The following SOX6 variants were observed in gnomAD, a reference collection of about 807,000 sequenced individuals.
The protein encoded by SOX6 is SRY-box transcription factor 6, also known as transcription factor SOX-6.
Under a neutral mutation model 97.8 loss-of-function variants are expected in SOX6, and 11 were observed. That is an observed-to-expected ratio of 0.11 (90% CI 0.07 to 0.19). The LOEUF is 0.19. Ranked by LOEUF, SOX6 falls within the 10% of genes least tolerant of loss-of-function variation. SOX6 has a pLI of 1.00. For synonymous variants in SOX6, 360 were observed against 371.4 expected, an observed-to-expected ratio of 0.97 and a Z score of 0.35; for missense variants, 810 against 1,039.5, an observed-to-expected ratio of 0.78 and a Z score of 3.04.
chr11:16,232,487 C>T lies in SOX6; in HGVS notation c.535+2095G>A, dbSNP rs1306348582. On this transcript the variant is annotated intron_variant, in intron 4 of 15. Coordinates refer to ENST00000683767, the MANE Select transcript of SOX6 (RefSeq NM_001367873.1). ...AAAAAGGTTAAAGAATTTGAAAAGGCTAATTTTTCATGTGATTCACTTTTG... is the reference window on the plus strand; with the variant it reads ...AAAAAGGTTAAAGAATTTGAAAAGGTTAATTTTTCATGTGATTCACTTTTG... Among the ~76,000 whole-genome samples, 9 of 151,842 alleles carry T rather than the reference C, an allele frequency of 5.9e-5. No individual in the cohort carries two copies. In the South Asian group the frequency reaches 1.9e-3, roughly 32 times the overall value.
intron 15 of SOX6, among the ~76,000 whole-genome samples, chr11:15,979,858 C>T (rs1853609189): frequency 6.6e-6 from 1 of 152,008 alleles, no homozygotes; most frequent in African/African-American, 2.4e-5. Context: ...ATCCCTTTCC[C>T]TACTTTACTT....
chr11:16,421,278 G>C (rs927315888), intron 1 of SOX6, among the ~76,000 whole-genome samples: 5 of 151,862 alleles, frequency 3.3e-5, no homozygotes, highest in Admixed American at 3.3e-4. Flanking sequence ...CAAACACAAT[G>C]ACTATATATT....
intron 3 of SOX6, chr11:16,646,050 C>T (rs1329477650): frequency 6.6e-6 from 1 of 152,234 alleles, no homozygotes; most frequent in Non-Finnish European, 1.5e-5. Context: ...CAGCTTCAGA[C>T]TTGAGGTCAT....
intron 3 of SOX6, among the ~76,000 whole-genome samples, chr11:16,616,391 A>T (rs1046686433): frequency 2.0e-5 from 3 of 152,102 alleles, no homozygotes; most frequent in African/African-American, 7.2e-5. Flanking sequence ...AAATTTGACT[A>T]AATTCTCTAA....
chr11:16,112,423 T>C lies in SOX6; in HGVS notation c.778-500A>G, dbSNP rs531217026. Among the ~76,000 whole-genome samples, 5 of 152,330 alleles carry C rather than the reference T, an allele frequency of 3.3e-5. No homozygotes were observed. The East Asian group carries it at 9.6e-4, about 29-fold the overall frequency. On this transcript the variant is annotated intron_variant, in intron 6 of 15. Transcript: ENST00000683767. ...TCTTATTTCAAAGCCTCATGCATTATGTTAAACATATAGCTCTTCAGATTT... is the reference window on the plus strand; with the variant it reads ...TCTTATTTCAAAGCCTCATGCATTACGTTAAACATATAGCTCTTCAGATTT...
chr11:16,012,571 G>A (rs1294571267), intron 13 of SOX6, among the ~76,000 whole-genome samples: 1 of 152,004 alleles, frequency 6.6e-6, no homozygotes, highest in Non-Finnish European at 1.5e-5. Context: ...ATGAGAGCTG[G>A]TGTATGGCAT....
intron 4 of SOX6, among the ~76,000 whole-genome samples, chr11:16,521,805 C>T (rs1403582290): frequency 1.3e-5 from 2 of 152,072 alleles, no homozygotes; most frequent in Non-Finnish European, 2.9e-5. Flanking sequence ...GAGCTGAAAG[C>T]CAAGGCTCGA....
At chr11:16,120,936 G>T (rs947181000) in intron 6 of SOX6, among the ~76,000 whole-genome samples, 1 of 151,938 alleles carries the variant, frequency 6.6e-6, no homozygotes, top group Non-Finnish European at 1.5e-5. Flanking sequence ...ACTCTATCAG[G>T]TCAACGGTAC....
At chr11:16,734,281 A>G (rs1848374417) in intron 2 of SOX6, among the ~76,000 whole-genome samples, 1 of 152,208 alleles carries the variant, frequency 6.6e-6, no homozygotes, top group Non-Finnish European at 1.5e-5. Flanking sequence ...ATTTATTTAT[A>G]CCTTGTTTTC....
At chr11:16,295,803 T>G (rs1265825569) in intron 3 of SOX6, among the ~76,000 whole-genome samples, 1 of 152,126 alleles carries the variant, frequency 6.6e-6, no homozygotes, top group Non-Finnish European at 1.5e-5. Flanking sequence ...GGGGTTGCAT[T>G]TCTAGTGTGT....
chr11:16,717,953 C>CTT (rs36059733), intron 2 of SOX6, among the ~76,000 whole-genome samples: 30 of 134,756 alleles, frequency 2.2e-4, no homozygotes, highest in South Asian at 2.1e-3. Context: ...TCCTGTTTTT[C>CTT]TTTTTTTTTT....
At chr11:16,014,406 G>C (rs543564826) in intron 13 of SOX6, among the ~76,000 whole-genome samples, 1 of 152,150 alleles carries the variant, frequency 6.6e-6, no homozygotes, top group East Asian at 1.9e-4. Flanking sequence ...TAAAACTGCT[G>C]CAAACTATCA....
At chr11:16,303,593 T>C (rs1855331759) in intron 3 of SOX6, among the ~76,000 whole-genome samples, 1 of 152,194 alleles carries the variant, frequency 6.6e-6, no homozygotes, top group Non-Finnish European at 1.5e-5. Flanking sequence ...AAGATTTTCT[T>C]AGCTATTCTA....
At chr11:16,162,332 A>G (rs555033418) in intron 6 of SOX6, among the ~76,000 whole-genome samples, 3 of 152,332 alleles carry the variant, frequency 2.0e-5, no homozygotes, top group East Asian at 3.9e-4. Context: ...TCAGGACATA[A>G]CATGTGATCT....
intron 9 of SOX6, among the ~76,000 whole-genome samples, chr11:16,092,278 A>C (rs543960389): frequency 2.0e-5 from 3 of 152,122 alleles, no homozygotes; most frequent in African/African-American, 7.2e-5. Context: ...TGAATTAATA[A>C]GTAATAAAAA....
chr11:16,268,106 GT>G (rs757945593), intron 3 of SOX6, among the ~76,000 whole-genome samples: 12 of 150,984 alleles, frequency 7.9e-5, no homozygotes, highest in African/African-American at 1.5e-4. Context: ...AAAAATAAGT[GT>G]TTTTTTTAGA....
chr11:15,975,474 C>T (rs73417010), intron 15 of SOX6, among the ~76,000 whole-genome samples: 10,064 of 152,174 alleles, frequency 0.066, 1,118 homozygotes, highest in African/African-American at 0.23. Context: ...CATAAAAACA[C>T]ACTATCAAAT....
intron 4 of SOX6, among the ~76,000 whole-genome samples, chr11:16,209,159 T>C (rs934295632): frequency 1.3e-5 from 2 of 152,226 alleles, no homozygotes; most frequent in African/African-American, 4.8e-5. Context: ...TTTGTAAAAG[T>C]ATGTTGTTTT....
intron 3 of SOX6, among the ~76,000 whole-genome samples, chr11:16,299,921 C>A (rs1035857030): frequency 1.3e-5 from 2 of 152,122 alleles, no homozygotes; most frequent in Non-Finnish European, 1.5e-5. Context: ...CAGTAATACA[C>A]AGCAATAACA....
Sources: allele counts gnomAD v4.1 joint callset (sites outside exome capture counted in the v4.1 genomes callset), GRCh38; gene constraint gnomAD v4.1.1; transcripts MANE v1.5; gene names NCBI Gene and HGNC (gene_info 2026-07-23, HGNC 2026-07-21).